Variants in PRDM16 observed in about 807,000 individuals in gnomAD.
The protein encoded by PRDM16 is histone-lysine N-methyltransferase PRDM16.
A neutral mutation model predicts 110.6 loss-of-function variants in PRDM16; 23 were observed. The observed-to-expected ratio is 0.21, with a 90% CI of 0.15 to 0.29. The LOEUF (loss-of-function observed/expected upper bound fraction) is 0.29. Ranked by LOEUF, PRDM16 falls within the 10% of genes least tolerant of loss-of-function variation. The probability of loss-of-function intolerance (pLI) is 1.00; values close to 1 mark genes in which losing one functional copy is unlikely to be tolerated. For missense variants in PRDM16, 1,615 were observed against 1,794.3 expected (o/e 0.90, Z 1.81); for synonymous variants, 799 against 781.8 (o/e 1.02, Z -0.37).
chr1:3,104,498 C>G (rs1035854774), intron 1 of PRDM16, among the ~76,000 whole-genome samples: 11 of 125,650 alleles, frequency 8.8e-5, no homozygotes, highest in African/African-American at 3.7e-4. Context: ...CTCCAGTGGG[C>G]GGGAGACCAC....
rs1030763525 is a variant in PRDM16 at position 3,411,600 on chromosome 1, T to G, written c.1403T>G (p.Met468Arg). ...APGLPLTPSP[M>R]MDKAKPSPSL... ...GGCCTGCCCTTGACCCCCAGCCCCA[T>G]GATGGACAAGGCAAAACCCTCCCCC... The change falls in exon 9 of 17, where the codon ATG becomes AGG. Residue 468 changes from methionine (M) to arginine (R), a missense_variant. By Grantham distance (91) the Met-to-Arg change is moderately conservative. Transcript: ENST00000270722. 7 of 1,613,776 alleles carry G rather than the reference T, an allele frequency of 4.3e-6. No homozygotes were observed. The highest frequency in any genetic ancestry group is 5.9e-6 in the Non-Finnish European group (7 of 1,179,974).
chr1:3,430,361 T>C (rs1445994983), intron 14 of PRDM16, among the ~76,000 whole-genome samples: 1 of 152,180 alleles, frequency 6.6e-6, no homozygotes, highest in Non-Finnish European at 1.5e-5. Context: ...TCCTGGTGCA[T>C]TCAGACTGCT....
intron 3 of PRDM16, among the ~76,000 whole-genome samples, chr1:3,366,990 G>A (rs1054430086): frequency 4.6e-5 from 7 of 152,162 alleles, no homozygotes; most frequent in Non-Finnish European, 7.3e-5. Flanking sequence ...AGCAAGGGCC[G>A]GGCACAGTGG....
chr1:3,118,736 T>C (rs142931583), intron 1 of PRDM16, among the ~76,000 whole-genome samples: 16 of 147,774 alleles, frequency 1.1e-4, no homozygotes, highest in Non-Finnish European at 2.1e-4. Context: ...GGGGGCCACG[T>C]GGATGGAGTC....
At chr1:3,331,806 G>A (rs548259470) in intron 3 of PRDM16, among the ~76,000 whole-genome samples, 3 of 152,158 alleles carry the variant, frequency 2.0e-5, no homozygotes, top group African/African-American at 7.2e-5. Context: ...TAGGCTCCCC[G>A]CTCGGGTGGA....
At chr1:3,371,097 A>C (rs1017818570) in intron 3 of PRDM16, among the ~76,000 whole-genome samples, 1 of 149,668 alleles carries the variant, frequency 6.7e-6, no homozygotes, top group African/African-American at 2.5e-5. Flanking sequence ...CCATCCATGC[A>C]TCCACTCAGT....
chr1:3,094,238 C>T (rs1017081182), intron 1 of PRDM16, among the ~76,000 whole-genome samples: 2 of 152,202 alleles, frequency 1.3e-5, no homozygotes, highest in Admixed American at 6.5e-5. Flanking sequence ...GGCACGGGGG[C>T]GCACAGGCAG....
intron 1 of PRDM16, among the ~76,000 whole-genome samples, chr1:3,083,559 G>T (rs1010079086): frequency 3.3e-4 from 50 of 150,586 alleles, no homozygotes; most frequent in African/African-American, 1.2e-3. Context: ...GCTGCGGAGG[G>T]ATGCCCTGCA....
At chr1:3,331,337 C>T (rs1570088811) in intron 3 of PRDM16, among the ~76,000 whole-genome samples, 2 of 152,218 alleles carry the variant, frequency 1.3e-5, no homozygotes, top group African/African-American at 4.8e-5. Context: ...TTCCTAGCAA[C>T]CCCCTTCATC....
At chr1:3,096,236 C>T (rs769954711) in intron 1 of PRDM16, among the ~76,000 whole-genome samples, 1 of 152,150 alleles carries the variant, frequency 6.6e-6, no homozygotes, top group Non-Finnish European at 1.5e-5. Flanking sequence ...TCCTGCCTCT[C>T]CCTGAGTTCT....
intron 3 of PRDM16, among the ~76,000 whole-genome samples, chr1:3,331,760 C>T (rs544020121): frequency 6.6e-6 from 1 of 152,298 alleles, no homozygotes; most frequent in South Asian, 2.1e-4. Flanking sequence ...CTGGGCTCAC[C>T]GTGGCTCTGC....
intron 3 of PRDM16, among the ~76,000 whole-genome samples, chr1:3,368,845 TA>T (rs1642862297): frequency 6.6e-6 from 1 of 152,114 alleles, no homozygotes; most frequent in African/African-American, 2.4e-5. Flanking sequence ...AAAATAGCAA[TA>T]GCAAAATCCA....
intron 1 of PRDM16, among the ~76,000 whole-genome samples, chr1:3,090,442 G>C (rs1042049671): frequency 6.6e-6 from 1 of 152,276 alleles, no homozygotes; most frequent in African/African-American, 2.4e-5. Context: ...CTCTGAGCCT[G>C]CGCACACAGG....
chr1:3,184,664 T>A (rs912773901), intron 1 of PRDM16, among the ~76,000 whole-genome samples: 41 of 152,256 alleles, frequency 2.7e-4, no homozygotes, highest in Middle Eastern at 3.4e-3. Flanking sequence ...ACCCCCTCTC[T>A]AGTTTCCAAA....
chr1:3,079,953 C>T (rs1641985612), intron 1 of PRDM16, among the ~76,000 whole-genome samples: 1 of 152,240 alleles, frequency 6.6e-6, no homozygotes, highest in South Asian at 2.1e-4. Flanking sequence ...CTTAGCCCTC[C>T]GTGGCGCCAG....
At position 3,353,122 on chromosome 1, in the gene PRDM16, C is replaced by T. The variant is rs1459895754; in HGVS notation, c.439-32030C>T. 1.3e-5 allele frequency among the ~76,000 whole-genome samples: 2 copies of T among 152,226 alleles called. No homozygotes were observed. The highest frequency in any genetic ancestry group is 1.9e-4 in the East Asian group (1 of 5,186). On this transcript the variant is annotated intron_variant, in intron 3 of 16. Coordinates refer to ENST00000270722, the MANE Select transcript of PRDM16 (RefSeq NM_022114.4). The surrounding 1 kb of genome is among the most constrained non-coding windows in gnomAD (Gnocchi z 5.4). ...CACCCGAAGAGCTCGAAAGCTGGCC[C>T]CCAGCCCAGACTCCCACGCAGGGAC...
chr1:3,424,552 C>T (rs949745120), intron 12 of PRDM16, among the ~76,000 whole-genome samples: 2 of 152,252 alleles, frequency 1.3e-5, no homozygotes, highest in African/African-American at 4.8e-5. Context: ...ACGGTGCAGG[C>T]CGGCAGCAGC....
intron 2 of PRDM16, among the ~76,000 whole-genome samples, chr1:3,229,548 C>T (rs181987727): frequency 2.0e-5 from 3 of 152,342 alleles, no homozygotes; most frequent in South Asian, 4.1e-4. Context: ...CCTGTCAGGG[C>T]CTCCAAGCCA....
chr1:3,279,876 C>T (rs1569983888), intron 3 of PRDM16, among the ~76,000 whole-genome samples: 1 of 38 alleles, frequency 0.026, no homozygotes. Context: ...CCTCCTCCCA[C>T]CCCCCCCGGG....
Sources: gnomAD v4.1 joint callset for allele counts (sites outside exome capture counted in the v4.1 genomes callset) on GRCh38, gnomAD v4.1.1 for gene constraint, Gnocchi (gnomAD v3.1) non-coding constraint, MANE v1.5 for transcripts, NCBI Gene and HGNC (gene_info 2026-07-23, HGNC 2026-07-21) for gene names.